The following HHIPL1 variants were observed in gnomAD, a reference collection of about 807,000 sequenced individuals.
HHIPL1 encodes the protein HHIP like 1.
A neutral mutation model predicts 61.8 loss-of-function variants in HHIPL1; 43 were observed. That is an observed-to-expected ratio of 0.70 (90% CI 0.55 to 0.90). The LOEUF is 0.90. Among genes scored for constraint, HHIPL1 ranks in the 40% least tolerant of loss-of-function variants. The probability of loss-of-function intolerance (pLI) is 0.00; values close to 1 mark genes in which losing one functional copy is unlikely to be tolerated. For synonymous variants in HHIPL1, 482 were observed against 515.8 expected (o/e 0.93, Z 0.89); for missense variants, 1,056 against 1,157.7 (o/e 0.91, Z 1.28).
At position 99,659,476 on chromosome 14, in the gene HHIPL1, G is replaced by T. The variant is rs745934749; in HGVS notation, c.1095G>T (p.Glu365Asp). 2.6e-6 allele frequency: 4 copies of T among 1,531,630 alleles called. No individual in the cohort carries two copies. Among genetic ancestry groups the T allele is most frequent in the Non-Finnish European group, 2.6e-6 (3 of 1,144,414 alleles). The allele number at this position is 1,531,630 out of a possible 1,614,324, so 94.9% of individuals were successfully genotyped here. A position where few individuals can be genotyped will look rare whatever the true frequency, so the allele number is the denominator to read the frequency against. Residue 365 changes from glutamate to aspartate, a missense_variant, in exon 4 of 9, where the codon GAG becomes GAT. Transcript: ENST00000330710. ...TGCGCATCGACGTGGACCGTAAGGA[G>T]CGCGGCCTGCCCTACGGCATCCCGC... ...KVLRIDVDRKERGLPYGIPPD... is the reference protein window; with the variant it reads ...KVLRIDVDRKDRGLPYGIPPD...
In HHIPL1 at chr14:99,660,499, T is replaced by C; in HGVS notation, c.1502+93T>C. The stretch of plus-strand genomic sequence containing the variant: ...AAGGGGAGTGTATGTGTGCGCCCGT[T>C]CCTGCACATGTGCCTCGCTGCTCTG... On this transcript the variant is annotated intron_variant, in intron 5 of 8. Coordinates refer to ENST00000330710, the MANE Select transcript of HHIPL1 (RefSeq NM_001127258.3). The surrounding 1 kb of genome is among the most constrained non-coding windows in gnomAD (Gnocchi z 4.9). 1 of 1,444,876 alleles carries C rather than the reference T, an allele frequency of 6.9e-7. No homozygotes were observed. Among genetic ancestry groups the C allele is most frequent in the South Asian group, 1.3e-5 (1 of 75,904 alleles). The allele number at this position is 1,444,876 out of a possible 1,614,324, so 89.5% of individuals were successfully genotyped here.
At position 99,668,884 on chromosome 14, in the gene HHIPL1, A is replaced by G; in HGVS notation, c.1730+581A>G. ...CTATGTCCCAGCTCCTTCCGTGTGC[A>G]GCTCATTGACGTCTCAGCCGTTCAT... On this transcript the variant is annotated intron_variant, in intron 7 of 8. Coordinates refer to ENST00000330710, the MANE Select transcript of HHIPL1 (RefSeq NM_001127258.3). The surrounding 1 kb of genome is among the most constrained non-coding windows in gnomAD (Gnocchi z 4.7). 1 of 1,613,772 alleles carries G rather than the reference A, an allele frequency of 6.2e-7. No individual in the cohort carries two copies. The highest frequency in any genetic ancestry group is 8.5e-7 in the Non-Finnish European group (1 of 1,179,696).
chr14:99,639,048 T>G, the HHIPL1 span, among the ~76,000 whole-genome samples: 1 of 152,258 alleles, frequency 6.6e-6, no homozygotes, highest in South Asian at 2.1e-4. Context: ...TGTGCTTATT[T>G]GTTCTTACAA....
chr14:99,610,546 G>C, the HHIPL1 span, among the ~76,000 whole-genome samples: 3 of 152,158 alleles, frequency 2.0e-5, no homozygotes, highest in Non-Finnish European at 4.4e-5. Context: ...GATCACTTGA[G>C]GCCCGGAGTT....
chr14:99,676,508 G>A lies in HHIPL1; in HGVS notation c.*882G>A, dbSNP rs1311977839. On this transcript the variant is annotated 3_prime_UTR_variant, in exon 9 of 9. Transcript: ENST00000330710. ...CCACTACTTTCAAAGCTGTGTTTGG[G>A]CCCTGGGGCCACCTCTGTCCTTTCC... 1 of 152,378 alleles carries A rather than the reference G, an allele frequency of 6.6e-6. No homozygotes were observed. Among genetic ancestry groups the A allele is most frequent in the African/African-American group, 2.4e-5 (1 of 41,458 alleles). 9.4% of individuals were successfully genotyped at this position (152,378 alleles called of 1,614,324 possible). A position where few individuals can be genotyped will look rare whatever the true frequency, so the allele number is the denominator to read the frequency against.
chr14:99,668,778 G>GA lies in HHIPL1; in HGVS notation c.1730+479dup, dbSNP rs2056289487. Reference sequence around the variant, plus strand: ...CTCCTGTGGTCCATCTTCCACTGGGGAAAACACATTGGGGCTCCCTTCGCC... The same window carrying GA: ...CTCCTGTGGTCCATCTTCCACTGGGGAAAAACACATTGGGGCTCCCTTCGCC... On this transcript the variant is annotated intron_variant, in intron 7 of 8. Transcript: ENST00000330710. This position sits in a 1 kb window ranked among gnomAD's most constrained non-coding sequence, Gnocchi z 4.7. The GA allele has an allele frequency of 6.2e-7, 1 of 1,604,546 alleles. No homozygotes were observed. The highest frequency in any genetic ancestry group is 8.5e-7 in the Non-Finnish European group (1 of 1,177,658).
chr14:99,608,330 G>A, the HHIPL1 span, among the ~76,000 whole-genome samples: 97,313 of 151,994 alleles, frequency 0.64, 34,541 homozygotes, highest in South Asian at 0.87. Context: ...ACCACCTGCC[G>A]CTTATCCTAG....
chr14:99,604,912 G>A, the HHIPL1 span, among the ~76,000 whole-genome samples: 1 of 152,062 alleles, frequency 6.6e-6, no homozygotes, highest in Non-Finnish European at 1.5e-5. Flanking sequence ...CTCCGCCCCC[G>A]TCCCCACCCG....
At chr14:99,669,057 A>C in intron 7 of HHIPL1, 1 of 1,446,890 alleles carries the variant, frequency 6.9e-7, no homozygotes, top group Non-Finnish European at 9.1e-7. Flanking sequence ...ACCTTCCCCA[A>C]CCCACGTTGC....
the HHIPL1 span, among the ~76,000 whole-genome samples, chr14:99,627,246 A>G: frequency 1.3e-5 from 2 of 151,334 alleles, no homozygotes; most frequent in African/African-American, 4.9e-5. The surrounding 1 kb of genome is among the most constrained non-coding windows in gnomAD (Gnocchi z 4.4). Context: ...CCACTCACCC[A>G]CCTACCTACC....
the HHIPL1 span, among the ~76,000 whole-genome samples, chr14:99,608,449 G>A: frequency 1.5e-3 from 226 of 152,328 alleles, 1 homozygote; most frequent in Middle Eastern, 3.4e-3. Flanking sequence ...CTTATTGGCT[G>A]GTTGTTTGCC....
chr14:99,640,374 T>G (rs142399296), upstream of HHIPL1, among the ~76,000 whole-genome samples: 674 of 152,266 alleles, frequency 4.4e-3, 5 homozygotes, highest in Middle Eastern at 0.01. Flanking sequence ...AGCCTCAACT[T>G]CCCAGGTTCA....
At chr14:99,609,468 C>T in the HHIPL1 span, among the ~76,000 whole-genome samples, 1 of 152,250 alleles carries the variant, frequency 6.6e-6, no homozygotes, top group East Asian at 1.9e-4. Context: ...ATGCTTGCCC[C>T]TGGCAGACTG....
At chr14:99,629,036 G>A in the HHIPL1 span, among the ~76,000 whole-genome samples, 2 of 152,308 alleles carry the variant, frequency 1.3e-5, no homozygotes, top group African/African-American at 2.4e-5. Flanking sequence ...CTAGCGGCCC[G>A]AGGAGTTGCT....
chr14:99,656,526 A>T (rs1470433673), intron 2 of HHIPL1, among the ~76,000 whole-genome samples: 1 of 152,048 alleles, frequency 6.6e-6, no homozygotes, highest in Non-Finnish European at 1.5e-5. Flanking sequence ...CTGTAATCAC[A>T]GCACTTTGGG....
At chr14:99,629,271 C>T in the HHIPL1 span, among the ~76,000 whole-genome samples, 1 of 152,072 alleles carries the variant, frequency 6.6e-6, no homozygotes, top group Non-Finnish European at 1.5e-5. Context: ...TGGACTATGC[C>T]GCTGAAAATC....
In HHIPL1 at chr14:99,675,737, G is replaced by A. The variant is rs541635906; in HGVS notation, c.*111G>A. 28 of 1,124,564 alleles carry A rather than the reference G, an allele frequency of 2.5e-5. No individual in the cohort carries two copies. In the African/African-American group the frequency reaches 3.7e-4, roughly 15 times the overall value. The allele number at this position is 1,124,564 out of a possible 1,614,324, so 69.7% of individuals were successfully genotyped here. On this transcript the variant is annotated 3_prime_UTR_variant, in exon 9 of 9. Coordinates refer to ENST00000330710, the MANE Select transcript of HHIPL1 (RefSeq NM_001127258.3). The surrounding 1 kb of genome is among the most constrained non-coding windows in gnomAD (Gnocchi z 5.4). Reference sequence around the variant, plus strand: ...ACGTGTTCTAGAGTGAAGGGGGTGCGGGTGTGTGCTGTCCTGGGGACATGT... The same window carrying A: ...ACGTGTTCTAGAGTGAAGGGGGTGCAGGTGTGTGCTGTCCTGGGGACATGT...
At position 99,662,973 on chromosome 14, in the gene HHIPL1, A is replaced by G. The variant is rs750436835; in HGVS notation, c.1600A>G (p.Ile534Val). ...HGQTCEFPGLINNYYPYIISF... is the reference protein window; with the variant it reads ...HGQTCEFPGLVNNYYPYIISF... ...CCAGACCTGTGAGTTCCCAGGCCTC[A>G]TCAACAACTACTACCCGTACATCAT... The change falls in exon 6 of 9, where the codon ATC becomes GTC. Residue 534 changes from isoleucine to valine, a missense_variant. Coordinates refer to ENST00000330710, the MANE Select transcript of HHIPL1 (RefSeq NM_001127258.3). The G allele has an allele frequency of 5.0e-6, 8 of 1,613,810 alleles. No individual in the cohort carries two copies. Among genetic ancestry groups the G allele is most frequent in the Non-Finnish European group, 1.7e-6 (2 of 1,179,918 alleles).
At chr14:99,659,390 G>T in intron 3 of HHIPL1, 38 bp from the exon 4 acceptor site, 1 of 1,385,858 alleles carries the variant, frequency 7.2e-7, no homozygotes, top group Non-Finnish European at 9.3e-7. Flanking sequence ...CTGGCTCAGG[G>T]CGACCCCGAG....
Sources: allele counts gnomAD v4.1 joint callset (sites outside exome capture counted in the v4.1 genomes callset), GRCh38; gene constraint gnomAD v4.1.1; non-coding constraint Gnocchi (gnomAD v3.1); transcripts MANE v1.5; gene names NCBI Gene and HGNC (gene_info 2026-07-23, HGNC 2026-07-21).